TRIM5: variants seen among roughly 807,000 people sequenced by gnomAD.
TRIM5 encodes the protein tripartite motif-containing protein 5.
A neutral mutation model predicts 35.6 loss-of-function variants in TRIM5; 31 were observed. The ratio of observed to expected loss-of-function variants is 0.87; its 90% confidence interval spans 0.65 to 1.18. The LOEUF is 1.18. TRIM5 is among the 50% of genes most tolerant of loss of function. TRIM5 has a pLI of 0.00. For synonymous variants in TRIM5, 243 were observed against 215.6 expected (o/e 1.13, Z -1.11); for missense variants, 609 against 591.6 (o/e 1.03, Z -0.31).
At chr11:5,668,008 A>T (rs1447556792) in intron 4 of TRIM5, among the ~76,000 whole-genome samples, 1 of 152,224 alleles carries the variant, frequency 6.6e-6, no homozygotes, top group Non-Finnish European at 1.5e-5. Flanking sequence ...CTCCAAACGT[A>T]TATGGCTCTC....
the TRIM5 span, among the ~76,000 whole-genome samples, chr11:5,639,251 G>T: frequency 2.0e-5 from 3 of 152,068 alleles, no homozygotes; most frequent in Non-Finnish European, 4.4e-5. Context: ...TTATAGTAAA[G>T]GGTTAAGGGA....
chr11:5,632,805 A>AATC, the TRIM5 span: 840 of 1,492,556 alleles, frequency 5.6e-4, 18 homozygotes, highest in South Asian at 0.011. Flanking sequence ...GTTGGTGGAA[A>AATC]ATCTCACCTT....
chr11:5,646,032 C>CATTAT, the TRIM5 span, among the ~76,000 whole-genome samples: 1 of 114,282 alleles, frequency 8.8e-6, no homozygotes, highest in African/African-American at 3.4e-5. Flanking sequence ...ATGTATAGTA[C>CATTAT]ACATAAATAT....
At chr11:5,652,516 C>T in the TRIM5 span, among the ~76,000 whole-genome samples, 5 of 152,132 alleles carry the variant, frequency 3.3e-5, no homozygotes, top group East Asian at 9.6e-4. Context: ...TCTATTCCAT[C>T]AGTCTATATG....
chr11:5,677,241 TCAAA>T, intron 4 of TRIM5, among the ~76,000 whole-genome samples: 1 of 151,728 alleles, frequency 6.6e-6, no homozygotes, highest in Non-Finnish European at 1.5e-5. Context: ...TACAATGAAC[TCAAA>T]CAAATTTACA....
At chr11:5,618,060 C>T in the TRIM5 span, among the ~76,000 whole-genome samples, 2 of 152,178 alleles carry the variant, frequency 1.3e-5, no homozygotes, top group African/African-American at 4.8e-5. Context: ...ATTGGAATAT[C>T]ACCATGCTTA....
In TRIM5 at chr11:5,680,078, A is replaced by C. The variant is rs1226566674; in HGVS notation, c.100T>G (p.Phe34Val). 1 of 1,614,114 alleles carries C rather than the reference A, an allele frequency of 6.2e-7. No homozygotes were observed. Among genetic ancestry groups the C allele is most frequent in the Admixed American group, 1.7e-5 (1 of 60,016 alleles). The change falls in exon 2 of 8, where the codon TTC (phenylalanine) becomes GTC (valine). Residue 34 changes from phenylalanine (F) to valine (V), a missense_variant. Physicochemically the swap from Phe to Val is conservative, Grantham distance 50. Coordinates refer to ENST00000380034, the MANE Select transcript of TRIM5 (RefSeq NM_033034.3). Reference protein sequence around the residue: ...QPLSLDCGHSFCQACLTANHK... With the variant: ...QPLSLDCGHSVCQACLTANHK... ...TTTGCAGTGAGGCATGCTTGGCAGA[A>C]GCTGTGGCCGCAGTCCAGGCTCAGG...
the TRIM5 span, chr11:5,603,325 G>A: frequency 6.2e-7 from 1 of 1,614,020 alleles, no homozygotes; most frequent in African/African-American, 1.3e-5. Context: ...GACTTCACCA[G>A]TACTGGTGGA....
the TRIM5 span, chr11:5,643,903 A>C: frequency 2.7e-6 from 2 of 738,676 alleles, no homozygotes; most frequent in Non-Finnish European, 4.2e-6. Context: ...TCATATTTTC[A>C]GAGAAAGTTA....
chr11:5,675,323 AG>A (rs1381545430), intron 4 of TRIM5, among the ~76,000 whole-genome samples: 1 of 152,092 alleles, frequency 6.6e-6, no homozygotes, highest in Non-Finnish European at 1.5e-5. Context: ...CAGGTGAGAG[AG>A]GGGTAGACAC....
chr11:5,633,883 A>G, the TRIM5 span: 1 of 1,614,068 alleles, frequency 6.2e-7, no homozygotes, highest in Non-Finnish European at 8.5e-7. Flanking sequence ...ATCAGAGAAG[A>G]GAAAACTTCC....
rs1048957414 is a variant in TRIM5 at position 5,664,721 on chromosome 11, T to C, written c.*88A>G. On this transcript the variant is annotated 3_prime_UTR_variant, in exon 8 of 8. Coordinates refer to ENST00000380034, the MANE Select transcript of TRIM5 (RefSeq NM_033034.3). ...AAGAAGGGAGACAGCAAGGAAAAGATGGTTAAAATGATGCAAATGAGTTCA... is the reference window on the plus strand; with the variant it reads ...AAGAAGGGAGACAGCAAGGAAAAGACGGTTAAAATGATGCAAATGAGTTCA... 3.8e-5 allele frequency: 57 copies of C among 1,484,488 alleles called. No homozygotes were observed. The highest frequency in any genetic ancestry group is 4.7e-5 in the Non-Finnish European group (53 of 1,120,996). 92.0% of individuals were successfully genotyped at this position (1,484,488 alleles called of 1,614,324 possible). A position where few individuals can be genotyped will look rare whatever the true frequency, so the allele number is the denominator to read the frequency against.
At chr11:5,666,688 C>T (rs191685422) in intron 5 of TRIM5, among the ~76,000 whole-genome samples, 1 of 152,336 alleles carries the variant, frequency 6.6e-6, no homozygotes, top group African/African-American at 2.4e-5. Context: ...GTGCACTAAA[C>T]TATTACTGGC....
chr11:5,664,998 C>T lies in TRIM5; in HGVS notation c.1293G>A (p.Val431=). Residue 431 remains valine, a synonymous_variant, in exon 8 of 8, where the codon GTG becomes GTA. Transcript: ENST00000380034. ...PSVPFIVPLS[V]IICPDRVGVF... ...CTCCAACACGATCAGGACAAATAATCACAGAGAGGGGCACAATGAAAGGAA... is the reference window on the plus strand; with the variant it reads ...CTCCAACACGATCAGGACAAATAATTACAGAGAGGGGCACAATGAAAGGAA... The T allele has an allele frequency of 6.2e-6, 10 of 1,614,120 alleles. No individual in the cohort carries two copies. Among genetic ancestry groups the T allele is most frequent in the Non-Finnish European group, 8.5e-6 (10 of 1,180,014 alleles).
At chr11:5,632,656 A>C in the TRIM5 span, 1 of 1,612,890 alleles carries the variant, frequency 6.2e-7, no homozygotes, top group Non-Finnish European at 8.5e-7. Context: ...ACTCTTCTGT[A>C]AGGAGGATAG....
the TRIM5 span, among the ~76,000 whole-genome samples, chr11:5,615,253 G>A: frequency 6.6e-6 from 1 of 152,094 alleles, no homozygotes; most frequent in Admixed American, 6.6e-5. Flanking sequence ...CTGTGGTCCT[G>A]GGGTACAGTG....
chr11:5,654,713 T>C, the TRIM5 span, among the ~76,000 whole-genome samples: 21,064 of 152,184 alleles, frequency 0.14, 1,951 homozygotes, highest in East Asian at 0.42. Flanking sequence ...GAGTGTTGTG[T>C]TGTGGATAGA....
At chr11:5,618,857 G>C in the TRIM5 span, among the ~76,000 whole-genome samples, 1 of 152,126 alleles carries the variant, frequency 6.6e-6, no homozygotes, top group Non-Finnish European at 1.5e-5. Flanking sequence ...TCTCATTAAG[G>C]GCAGATTTGG....
chr11:5,618,243 G>A, the TRIM5 span, among the ~76,000 whole-genome samples: 6 of 152,044 alleles, frequency 3.9e-5, no homozygotes, highest in South Asian at 2.1e-4. Context: ...GGTGGCCCGC[G>A]CCTGTAATTC....
Sources: gnomAD v4.1 joint callset for allele counts (sites outside exome capture counted in the v4.1 genomes callset) on GRCh38, gnomAD v4.1.1 for gene constraint, MANE v1.5 for transcripts, NCBI Gene and HGNC (gene_info 2026-07-23, HGNC 2026-07-21) for gene names.